DSPP: variants seen among roughly 807,000 people sequenced by gnomAD.
DSPP encodes the protein deafness, autosomal dominant 39.
A neutral mutation model predicts 29.1 loss-of-function variants in DSPP; 28 were observed. The observed-to-expected ratio is 0.96, with a 90% CI of 0.71 to 1.32. The LOEUF (loss-of-function observed/expected upper bound fraction) is 1.32, where lower values mean the gene tolerates loss of function less well. Among genes scored for constraint, DSPP ranks in the 40% most tolerant of loss-of-function variants. The pLI, the probability that DSPP is intolerant of heterozygous loss-of-function variation, is 0.00. For synonymous variants in DSPP, 481 were observed against 503.4 expected (o/e 0.96, Z 0.60); for missense variants, 1,281 against 1,629.9 (o/e 0.79, Z 3.69).
rs374939426 is a variant in DSPP at position 87,614,421 on chromosome 4, A to G, written c.1759A>G (p.Ser587Gly). ...SSDSDSSDSD[S>G]SDSSDSDSSD... The stretch of plus-strand genomic sequence containing the variant: ...TGATAGTGACAGCAGTGACAGTGAC[A>G]GCAGTGATAGCAGTGACAGTGATAG... The change falls in exon 5 of 5, where the codon AGC becomes GGC. Residue 587 changes from serine to glycine, a missense_variant. Transcript: ENST00000651931. 3.2e-6 allele frequency: 5 copies of G among 1,555,974 alleles called. No individual in the cohort carries two copies. In the African/African-American group the frequency reaches 6.8e-5, roughly 21 times the overall value.
chr4:87,615,044 C>A lies in DSPP; in HGVS notation c.2382C>A (p.Ser794Arg), dbSNP rs189169726. Residue 794 changes from serine to arginine, a missense_variant, in exon 5 of 5, where the codon AGC (serine) becomes AGA (arginine). Ser to Arg is a moderately radical substitution (Grantham distance 110). Coordinates refer to ENST00000651931, the MANE Select transcript of DSPP (RefSeq NM_014208.3). ...ACGACAGCAGCAATAGCAGTGACAG[C>A]AGTGATAGCAGCAACAGCAGTGATA... ...DSNDSSNSSD[S>R]SDSSNSSDSS... is the part of the protein sequence containing the mutation. 1,838 of 1,550,554 alleles carry A rather than the reference C, an allele frequency of 1.2e-3. 1 individual carries two copies. Among genetic ancestry groups the A allele is most frequent in the Non-Finnish European group, 1.5e-3 (1,731 of 1,146,538 alleles).
chr4:87,612,043 A>T, intron 2 of DSPP, 62 bp from the exon 3 acceptor site: 4 of 1,348,334 alleles, frequency 3.0e-6, no homozygotes, highest in Non-Finnish European at 3.2e-6. Context: ...GTGTGTGTGC[A>T]CGCTCACACA....
At position 87,614,625 on chromosome 4, in the gene DSPP, GAT is replaced by G. The variant is rs1167859155; in HGVS notation, c.1965_1966del (p.Asp655GlufsTer7). The G allele has an allele frequency of 6.5e-7, 1 of 1,546,426 alleles. No individual in the cohort carries two copies. The highest frequency in any genetic ancestry group is 2.0e-5 in the Admixed American group (1 of 50,688). On this transcript the variant is annotated frameshift_variant, in exon 5 of 5. Coordinates refer to ENST00000651931, the MANE Select transcript of DSPP (RefSeq NM_014208.3). LOFTEE classifies it low-confidence loss of function (END_TRUNC). ...CAGCAGTGACAGTAGTGACAACAGTGATAGCAGCGACAGCAGCAATAGCAGTA... is the reference window on the plus strand; with the variant it reads ...CAGCAGTGACAGTAGTGACAACAGTGAGCAGCGACAGCAGCAATAGCAGTA... ...SNSSDSSDNS[D>X]SSDSSNSSNS...
chr4:87,614,635 ACAG>A lies in DSPP; in HGVS notation c.1979_1981del (p.Ser660del). ...AGTAGTGACAACAGTGATAGCAGCG[ACAG>A]CAGCAATAGCAGTAACAGCAGTGAT... On this transcript the variant is annotated inframe_deletion, in exon 5 of 5. Coordinates refer to ENST00000651931, the MANE Select transcript of DSPP (RefSeq NM_014208.3). 1 of 1,543,864 alleles carries A rather than the reference ACAG, an allele frequency of 6.5e-7. No individual in the cohort carries two copies. Among genetic ancestry groups the A allele is most frequent in the East Asian group, 2.5e-5 (1 of 40,756 alleles).
chr4:87,614,922 G>C lies in DSPP; in HGVS notation c.2260G>C (p.Asp754His). The change falls in exon 5 of 5, where the codon GAC (aspartate) becomes CAC (histidine). Residue 754 changes from aspartate to histidine, a missense_variant. By Grantham distance (81) the Asp-to-His change is moderately conservative. This residue lies in a region of DSPP where 444 missense variants were observed against 611.4 expected (regional missense o/e 0.73). Coordinates refer to ENST00000651931, the MANE Select transcript of DSPP (RefSeq NM_014208.3). The stretch of plus-strand genomic sequence containing the variant: ...TAGCAGTGACAGCAGCAACAGCAGT[G>C]ACAGTAGCGATAGCAGTGACAGCAG... The part of the protein sequence containing the change: ...SDSSDSSNSS[D>H]SSDSSDSSNS... 1 of 1,549,190 alleles carries C rather than the reference G, an allele frequency of 6.5e-7. No homozygotes were observed. Among genetic ancestry groups the C allele is most frequent in the Non-Finnish European group, 8.7e-7 (1 of 1,146,152 alleles).
At position 87,616,765 on chromosome 4, in the gene DSPP, G is replaced by A. The variant is rs1011466150; in HGVS notation, c.*197G>A. The A allele has an allele frequency of 1.2e-5, 10 of 812,278 alleles. No individual in the cohort carries two copies. In the Admixed American group the frequency reaches 2.1e-4, roughly 17 times the overall value. 50.3% of individuals were successfully genotyped at this position (812,278 alleles called of 1,614,324 possible). On this transcript the variant is annotated 3_prime_UTR_variant, in exon 5 of 5. Coordinates refer to ENST00000651931, the MANE Select transcript of DSPP (RefSeq NM_014208.3). ...CTGCAGAGACAGACTCTGAATGCAT[G>A]ACCTTTGGTACATGCCTGTTAATAT...
chr4:87,614,168 C>T lies in DSPP; in HGVS notation c.1506C>T (p.Gly502=). The T allele has an allele frequency of 6.2e-7, 1 of 1,614,198 alleles. No individual in the cohort carries two copies. The highest frequency in any genetic ancestry group is 8.5e-7 in the Non-Finnish European group (1 of 1,180,040). ...ACTCTGATGAATCAAAAGATAATGGCAATGGCAGTGACTCAAAAGGAGCAG... is the reference window on the plus strand; with the variant it reads ...ACTCTGATGAATCAAAAGATAATGGTAATGGCAGTGACTCAAAAGGAGCAG... The part of the protein sequence containing the change: ...SYNSDESKDN[G]NGSDSKGAED... The change falls in exon 5 of 5, where the codon GGC becomes GGT. Residue 502 remains glycine (G), a synonymous_variant. Coordinates refer to ENST00000651931, the MANE Select transcript of DSPP (RefSeq NM_014208.3).
chr4:87,611,939 C>A (rs1338406552), intron 2 of DSPP, among the ~76,000 whole-genome samples, 166 bp from the exon 3 acceptor site: 1 of 152,168 alleles, frequency 6.6e-6, no homozygotes, highest in Admixed American at 6.5e-5. Context: ...GAAGCCACTT[C>A]TCTTTTCTAT....
intron 1 of DSPP, among the ~76,000 whole-genome samples, chr4:87,610,268 T>C (rs1338172092): frequency 6.6e-6 from 1 of 152,164 alleles, no homozygotes; most frequent in Middle Eastern, 3.2e-3. Context: ...TCAGAGATAA[T>C]TCTACCAAAC....
chr4:87,611,062 T>TGTGTGTGTGC (rs1491292723), intron 2 of DSPP, 103 bp downstream of exon 2: 12 of 1,079,326 alleles, frequency 1.1e-5, no homozygotes, highest in Middle Eastern at 2.2e-4. Flanking sequence ...TGTGTGTGTG[T>TGTGTGTGTGC]GCATGTACAT....
intron 4 of DSPP, 145 bp from the exon 5 acceptor site, chr4:87,613,640 A>G: frequency 8.1e-7 from 1 of 1,239,000 alleles, no homozygotes; most frequent in Non-Finnish European, 1.1e-6. Flanking sequence ...TACAGAATAA[A>G]GCACATTTTC....
Position 87,616,188 on chromosome 4 carries a change from G to A in DSPP, c.3526G>A (p.Asp1176Asn). 9.7e-6 allele frequency: 15 copies of A among 1,547,476 alleles called. No individual in the cohort carries two copies. Among genetic ancestry groups the A allele is most frequent in the Non-Finnish European group, 1.3e-5 (15 of 1,145,130 alleles). ...SDSSDSSDSSDSSNSSDSSDS... is the reference protein window; with the variant it reads ...SDSSDSSDSSNSSNSSDSSDS... ...CAGCAGCGACAGCAGCGATAGCAGT[G>A]ACAGCAGCAATAGCAGTGATAGCAG... is the stretch of plus-strand genomic sequence containing the variant. Residue 1176 changes from aspartate to asparagine, a missense_variant, in exon 5 of 5, where the codon GAC becomes AAC. By Grantham distance (23) the Asp-to-Asn change is conservative (BLOSUM62 1). Coordinates refer to ENST00000651931, the MANE Select transcript of DSPP (RefSeq NM_014208.3).
rs566916039 is a variant in DSPP, at chr4:87,613,330, C to A, written c.1122+22C>A. 23 of 1,612,116 alleles carry A rather than the reference C, an allele frequency of 1.4e-5. No homozygotes were observed. The African/African-American group carries it at 2.1e-4, about 15-fold the overall frequency. ...TAAGGTTAGTTTGTAAAGCTGATTTCTTTCAATGGCAGTTTAAATTCTTCC... is the reference window on the plus strand; with the variant it reads ...TAAGGTTAGTTTGTAAAGCTGATTTATTTCAATGGCAGTTTAAATTCTTCC... On this transcript the variant is annotated intron_variant, in intron 4 of 4. Coordinates refer to ENST00000651931, the MANE Select transcript of DSPP (RefSeq NM_014208.3).
intron 2 of DSPP, 112 bp downstream of exon 2, chr4:87,611,071 ATGTGTGTATATATGTG>A (rs1436773653): frequency 1.2e-5 from 11 of 896,562 alleles, no homozygotes; most frequent in Admixed American, 3.8e-5. Flanking sequence ...GTGCATGTAC[ATGTGTGTATATATGTG>A]TGTGTGTATA....
intron 2 of DSPP, among the ~76,000 whole-genome samples, chr4:87,611,342 T>G (rs544950102): frequency 5.9e-4 from 90 of 152,194 alleles, no homozygotes; most frequent in Non-Finnish European, 1.1e-3. Flanking sequence ...GTGAATTTCA[T>G]TCTAATACGA....
chr4:87,613,488 T>C (rs1350011384), intron 4 of DSPP, among the ~76,000 whole-genome samples, 180 bp downstream of exon 4: 2 of 152,228 alleles, frequency 1.3e-5, no homozygotes, highest in Non-Finnish European at 2.9e-5. Context: ...TTTAAACATC[T>C]TACATTTCTG....
At position 87,614,126 on chromosome 4, in the gene DSPP, A is replaced by G; in HGVS notation, c.1464A>G (p.Arg488=). The G allele has an allele frequency of 6.2e-7, 1 of 1,614,248 alleles. No individual in the cohort carries two copies. Among genetic ancestry groups the G allele is most frequent in the South Asian group, 1.1e-5 (1 of 91,090 alleles). Residue 488 remains arginine (R), a synonymous_variant, in exon 5 of 5, where the codon CGA becomes CGG. Coordinates refer to ENST00000651931, the MANE Select transcript of DSPP (RefSeq NM_014208.3). ...NSESDNNSSS[R]GDASYNSDES... The stretch of plus-strand genomic sequence containing the variant: ...AAAGTGACAATAACAGCAGTAGCCG[A>G]GGAGATGCTTCTTATAACTCTGATG...
chr4:87,613,798 A>C lies in DSPP; in HGVS notation c.1136A>C (p.Lys379Thr). ...GKSQDKGIEI[K>T]GPSSGNRNIT... is the part of the protein sequence containing the mutation. ...ATCCTTCCATAGGGAATAGAAATCA[A>C]GGGTCCCAGCAGTGGCAACAGAAAT... Residue 379 changes from lysine (K) to threonine (T), a missense_variant, in exon 5 of 5, where the codon AAG becomes ACG. Transcript: ENST00000651931. The C allele has an allele frequency of 6.2e-7, 1 of 1,614,216 alleles. No homozygotes were observed. The highest frequency in any genetic ancestry group is 1.3e-5 in the African/African-American group (1 of 75,070).
chr4:87,616,460 T>C lies in DSPP; in HGVS notation c.3798T>C (p.Asn1266=). 6.4e-7 allele frequency: 1 copy of C among 1,551,624 alleles called. No homozygotes were observed. Among genetic ancestry groups the C allele is most frequent in the Non-Finnish European group, 8.7e-7 (1 of 1,146,988 alleles). The change falls in exon 5 of 5, where the codon AAT becomes AAC. Residue 1266 remains asparagine, a synonymous_variant. Coordinates refer to ENST00000651931, the MANE Select transcript of DSPP (RefSeq NM_014208.3). ...GCAGTGACAGCACATCTGACAGCAA[T>C]GATGAGAGTGACAGCCAGAGCAAGT... ...SDSSDSTSDS[N]DESDSQSKSG...
Sources: allele counts gnomAD v4.1 joint callset (sites outside exome capture counted in the v4.1 genomes callset), GRCh38; gene constraint gnomAD v4.1.1; regional missense constraint gnomAD v4.1.1; transcripts MANE v1.5; gene names NCBI Gene and HGNC (gene_info 2026-07-23, HGNC 2026-07-21).